WDR36: variants seen among roughly 807,000 people sequenced by gnomAD.
WDR36 encodes the protein WD repeat-containing protein 36.
Under a neutral mutation model 112.7 loss-of-function variants are expected in WDR36, and 63 were observed. The observed-to-expected ratio is 0.56, with a 90% CI of 0.46 to 0.69. The LOEUF (loss-of-function observed/expected upper bound fraction) is 0.69. Ranked by LOEUF, WDR36 falls within the 30% of genes least tolerant of loss-of-function variation. WDR36 has a pLI of 0.00. For missense variants in WDR36, 1,226 were observed against 1,070.3 expected (o/e 1.15, Z -2.03); for synonymous variants, 410 against 362.2 (o/e 1.13, Z -1.50).
At chr5:111,123,006 G>T (rs1190636747) in intron 19 of WDR36, among the ~76,000 whole-genome samples, 1 of 152,092 alleles carries the variant, frequency 6.6e-6, no homozygotes, top group Admixed American at 6.5e-5. Context: ...CTGCTCAGGA[G>T]GCTGAGGCAG....
intron 1 of WDR36, among the ~76,000 whole-genome samples, chr5:111,093,084 A>G (rs555679754): frequency 1.1e-4 from 16 of 152,252 alleles, no homozygotes; most frequent in Non-Finnish European, 1.9e-4. Context: ...AATATCTAAT[A>G]GCAATCAGTT....
intron 6 of WDR36, among the ~76,000 whole-genome samples, chr5:111,102,742 G>A (rs912115281): frequency 2.0e-5 from 3 of 151,694 alleles, no homozygotes; most frequent in African/African-American, 7.2e-5. Context: ...TGTAAGTCAT[G>A]TAGAGAAATT....
At position 111,126,937 on chromosome 5, in the gene WDR36, T is replaced by C. The variant is rs1753689036; in HGVS notation, c.*54T>C. 2 of 1,456,248 alleles carry C rather than the reference T, an allele frequency of 1.4e-6. No homozygotes were observed. The highest frequency in any genetic ancestry group is 1.9e-6 in the Non-Finnish European group (2 of 1,078,808). The allele number at this position is 1,456,248 out of a possible 1,614,324, so 90.2% of individuals were successfully genotyped here. A position where few individuals can be genotyped will look rare whatever the true frequency, so the allele number is the denominator to read the frequency against. On this transcript the variant is annotated 3_prime_UTR_variant, in exon 23 of 23. Transcript: ENST00000513710. ...TCATATTAAATGGGTTCAATTGAAC[T>C]CATTTCTTATTTTCCAAGTGTCAAT...
chr5:111,127,929 T>G lies in WDR36; in HGVS notation c.*1046T>G, dbSNP rs373116002. The G allele has an allele frequency of 0.087, 12,328 of 141,750 alleles. 955 individuals are homozygous for G. The highest frequency in any genetic ancestry group is 0.23 in the African/African-American group (8,219 of 35,888). 8.8% of individuals were successfully genotyped at this position (141,750 alleles called of 1,614,324 possible). On this transcript the variant is annotated 3_prime_UTR_variant, in exon 23 of 23. Coordinates refer to ENST00000513710, the MANE Select transcript of WDR36 (RefSeq NM_139281.3). ...TTTTATTTTGTTTTGTTTTGTTTTT[T>G]TTTTTTTTTTTTTGGCTACACTTTT...
rs185154158 is a variant in WDR36, at chr5:111,105,887, T to G, written c.1094-170T>G. ...TATTTTTAACAATATCTAAAATAACTTTTCTTAGAATTAAAAAATAACAGT... is the reference window on the plus strand; with the variant it reads ...TATTTTTAACAATATCTAAAATAACGTTTCTTAGAATTAAAAAATAACAGT... On this transcript the variant is annotated intron_variant, in intron 10 of 22. Coordinates refer to ENST00000513710, the MANE Select transcript of WDR36 (RefSeq NM_139281.3). Among the ~76,000 whole-genome samples, 53 of 151,700 alleles carry G rather than the reference T, an allele frequency of 3.5e-4. No individual in the cohort carries two copies. In the East Asian group the frequency reaches 0.01, roughly 29 times the overall value.
At chr5:111,101,776 C>T (rs1187061565) in intron 5 of WDR36, among the ~76,000 whole-genome samples, 1 of 151,814 alleles carries the variant, frequency 6.6e-6, no homozygotes, top group African/African-American at 2.4e-5. Context: ...TGACTGCCTA[C>T]TTTGTGCTAG....
chr5:111,126,781 A>C lies in WDR36; in HGVS notation c.2586A>C (p.Ile862=), dbSNP rs1753685914. The change falls in exon 23 of 23, where the codon ATA becomes ATC. Residue 862 remains isoleucine, a synonymous_variant. Coordinates refer to ENST00000513710, the MANE Select transcript of WDR36 (RefSeq NM_139281.3). ...CAGAGCCAGTACTCCTAGAAGAAAT[A>C]ACAAATTTGTCATCCCAGGTGGAAG... ...LPSEPVLLEE[I]TNLSSQVEEN... 9 of 1,613,786 alleles carry C rather than the reference A, an allele frequency of 5.6e-6. 1 individual carries two copies. Among genetic ancestry groups the C allele is most frequent in the Middle Eastern group, 3.3e-4 (2 of 6,058 alleles).
intron 9 of WDR36, 78 bp from the exon 10 acceptor site, chr5:111,105,217 A>G: frequency 2.7e-6 from 4 of 1,457,666 alleles, no homozygotes; most frequent in Non-Finnish European, 2.9e-6. Flanking sequence ...TTTCAAATTG[A>G]ATTTTATAAA....
intron 5 of WDR36, 141 bp downstream of exon 5, chr5:111,100,862 A>G (rs1753108307): frequency 1.4e-6 from 1 of 727,778 alleles, no homozygotes; most frequent in Non-Finnish European, 2.2e-6. Flanking sequence ...GGTCCCCTGT[A>G]TCAGAGGAGT....
rs767348948 is a variant in WDR36 at position 111,104,235 on chromosome 5, A to G, written c.789A>G (p.Leu263=). Residue 263 remains leucine, a synonymous_variant, in exon 8 of 23, where the codon CTA becomes CTG. Transcript: ENST00000513710. The part of the protein sequence containing the change: ...SPCGHIGLWD[L]EDKKLINQMR... ...GTGGCCATATTGGACTCTGGGATCT[A>G]GAAGACAAAAAATTAATCAACCAAA... 1.3e-5 allele frequency: 21 copies of G among 1,611,860 alleles called. No individual in the cohort carries two copies. The highest frequency in any genetic ancestry group is 3.3e-5 in the South Asian group (3 of 91,046).
chr5:111,125,702 A>G lies in WDR36; in HGVS notation c.2445A>G (p.Glu815=). 1.2e-6 allele frequency: 2 copies of G among 1,613,922 alleles called. No homozygotes were observed. Among genetic ancestry groups the G allele is most frequent in the Non-Finnish European group, 8.5e-7 (1 of 1,179,866 alleles). ...CTCCTGATTGTGGTGGGTCCATAGA[A>G]GTTATGCAGAGCTTCTTGAAAATGA... ...SLSPDCGGSI[E]VMQSFLKMIG... Residue 815 remains glutamate (E), a synonymous_variant, in exon 22 of 23, where the codon GAA becomes GAG. Transcript: ENST00000513710.
chr5:111,099,133 T>C (rs532239656), intron 4 of WDR36, among the ~76,000 whole-genome samples: 1 of 152,272 alleles, frequency 6.6e-6, no homozygotes, highest in East Asian at 1.9e-4. Flanking sequence ...GAGTGAATAT[T>C]GATGTATTTT....
rs1753720363 is a variant in WDR36 at position 111,128,467 on chromosome 5, T to TA, written c.*1590dup. 5.5e-6 allele frequency: 1 copy of TA among 180,632 alleles called. No individual in the cohort carries two copies. The highest frequency in any genetic ancestry group is 2.0e-4 in the South Asian group (1 of 5,060). The allele number at this position is 180,632 out of a possible 1,614,324, so 11.2% of individuals were successfully genotyped here. On this transcript the variant is annotated 3_prime_UTR_variant, in exon 23 of 23. Transcript: ENST00000513710. ...GTTAATCATGACTTAAGTTCTAATT[T>TA]AAAAAACTATTTTCCTCTTTCCTAA...
intron 13 of WDR36, 68 bp downstream of exon 13, chr5:111,110,371 T>C: frequency 3.1e-6 from 4 of 1,305,764 alleles, no homozygotes; most frequent in East Asian, 2.3e-5. Flanking sequence ...AAAGCTGGTA[T>C]GTATAATCTT....
intron 14 of WDR36, 90 bp downstream of exon 14, chr5:111,111,043 T>C (rs537042232): frequency 1.8e-5 from 28 of 1,559,704 alleles, no homozygotes; most frequent in Middle Eastern, 1.7e-4. Context: ...AATCAGACTC[T>C]TTAATAAAGA....
chr5:111,110,010 G>C (rs903488403), intron 12 of WDR36, among the ~76,000 whole-genome samples, 179 bp from the exon 13 acceptor site: 15 of 151,300 alleles, frequency 9.9e-5, no homozygotes, highest in African/African-American at 3.6e-4. Flanking sequence ...ATAGAATCTA[G>C]CATATATTCT....
chr5:111,099,126 T>G (rs1580391198), intron 4 of WDR36, among the ~76,000 whole-genome samples: 1 of 152,158 alleles, frequency 6.6e-6, no homozygotes, highest in East Asian at 1.9e-4. Context: ...CCCTGTGGAG[T>G]GAATATTGAT....
rs977682291 is a variant in WDR36 at position 111,123,683 on chromosome 5, T to G, written c.2149-122T>G. The G allele has an allele frequency of 3.1e-6, 4 of 1,282,558 alleles. No individual in the cohort carries two copies. In the African/African-American group the frequency reaches 4.5e-5, roughly 14 times the overall value. The allele number at this position is 1,282,558 out of a possible 1,614,324, so 79.4% of individuals were successfully genotyped here. On this transcript the variant is annotated intron_variant, in intron 19 of 22. Coordinates refer to ENST00000513710, the MANE Select transcript of WDR36 (RefSeq NM_139281.3). ...AAGAGATCATATTTTAACATTCTTA[T>G]GTGAAAGAGTTTCATTCCTCTTTTA...
rs965140045 is a variant in WDR36, at chr5:111,104,501, G to A, written c.906+149G>A. ...TATAGATGAAACAAAAAGCACAGCA[G>A]GTGACATGATTGCAGTGAAGCGGGA... On this transcript the variant is annotated intron_variant, in intron 8 of 22. Transcript: ENST00000513710. 5.1e-6 allele frequency: 7 copies of A among 1,383,796 alleles called. No homozygotes were observed. The Admixed American group carries it at 1.0e-4, about 20-fold the overall frequency. 85.7% of individuals were successfully genotyped at this position (1,383,796 alleles called of 1,614,324 possible). A position where few individuals can be genotyped will look rare whatever the true frequency, so the allele number is the denominator to read the frequency against.
Sources: gnomAD v4.1 joint callset for allele counts (sites outside exome capture counted in the v4.1 genomes callset) on GRCh38, gnomAD v4.1.1 for gene constraint, MANE v1.5 for transcripts, NCBI Gene and HGNC (gene_info 2026-07-23, HGNC 2026-07-21) for gene names.